The following CCNF variants were observed in gnomAD, a reference collection of about 807,000 sequenced individuals.
The protein encoded by CCNF is cyclin F.
In CCNF, 30 loss-of-function variants were observed where a neutral mutation model predicts 85.4. The ratio of observed to expected loss-of-function variants is 0.35; its 90% CI spans 0.26 to 0.48. The LOEUF is 0.48. Among genes scored for constraint, CCNF ranks in the 20% least tolerant of loss-of-function variants. The pLI is 0.99. For missense variants in CCNF, 919 were observed against 1,010.4 expected, an observed-to-expected ratio of 0.91 and a Z score of 1.23; for synonymous variants, 439 against 425.1, an observed-to-expected ratio of 1.03 and a Z score of -0.40.
At position 2,453,223 on chromosome 16, in the gene CCNF, G is replaced by A. The variant is rs1428900926; in HGVS notation, c.1501G>A (p.Ala501Thr). 4.3e-6 allele frequency: 7 copies of A among 1,613,620 alleles called. No homozygotes were observed. Among genetic ancestry groups the A allele is most frequent in the Non-Finnish European group, 5.1e-6 (6 of 1,179,988 alleles). Residue 501 changes from alanine to threonine, a missense_variant, in exon 14 of 17, where the codon GCC (alanine) becomes ACC (threonine). Ala to Thr is a moderately conservative substitution (Grantham distance 58, BLOSUM62 0). This residue lies in a region of CCNF where 505 missense variants were observed against 514.8 expected (regional missense o/e 0.98). Transcript: ENST00000397066. The surrounding 1 kb of genome is among the most constrained non-coding windows in gnomAD (Gnocchi z 5.6). ...CTCTGTTTCCAGCTTCCATGATGACGCCCCCAAGGACTACAGGCAAGTCTC... is the reference window on the plus strand; with the variant it reads ...CTCTGTTTCCAGCTTCCATGATGACACCCCCAAGGACTACAGGCAAGTCTC... ...SLHKKCFHDDAPKDYRQVSLT... is the reference protein window; with the variant it reads ...SLHKKCFHDDTPKDYRQVSLT...
intron 2 of CCNF, 52 bp from the exon 3 acceptor site, chr16:2,432,909 G>A: frequency 8.8e-7 from 1 of 1,141,182 alleles, no homozygotes; most frequent in Non-Finnish European, 1.3e-6. Flanking sequence ...CCAGGTGTGG[G>A]GCTTTTGGGT....
intron 5 of CCNF, chr16:2,437,766 G>T (rs1345470263): frequency 2.6e-5 from 10 of 386,580 alleles, no homozygotes; most frequent in Non-Finnish European, 3.8e-5. Flanking sequence ...AGGGGTGGTG[G>T]TGCATACCTA....
In CCNF at chr16:2,429,497, G is replaced by C; in HGVS notation, c.16G>C (p.Val6Leu). Residue 6 changes from valine (V) to leucine (L), a missense_variant and splice_region_variant, in exon 1 of 17, where the codon GTG becomes CTG. By Grantham distance (32) the Val-to-Leu change is conservative (BLOSUM62 1). Coordinates refer to ENST00000397066, the MANE Select transcript of CCNF (RefSeq NM_001761.3). ...GAGCGCGGCGATGGGGAGCGGCGGC[G>C]GTGAGTGCGGGGCGATGTCCGCTGG... is the stretch of plus-strand genomic sequence containing the variant. MGSGGVVHCRCAKCFC... is the reference protein window; with the variant it reads MGSGGLVHCRCAKCFC... 1 of 1,232,332 alleles carries C rather than the reference G, an allele frequency of 8.1e-7. No individual in the cohort carries two copies. The highest frequency in any genetic ancestry group is 1.0e-6 in the Non-Finnish European group (1 of 988,098). 76.3% of individuals were successfully genotyped at this position (1,232,332 alleles called of 1,614,324 possible).
At chr16:2,437,611 A>G (rs1206120359) in intron 5 of CCNF, 14 of 384,840 alleles carry the variant, frequency 3.6e-5, no homozygotes, top group Non-Finnish European at 6.1e-5. Flanking sequence ...AAATCTGGCC[A>G]GGTGTGGTGG....
At chr16:2,439,027 G>C (rs1026760721) in intron 6 of CCNF, among the ~76,000 whole-genome samples, 3 of 152,120 alleles carry the variant, frequency 2.0e-5, no homozygotes, top group Non-Finnish European at 4.4e-5. Flanking sequence ...GCCAGGCACA[G>C]TGGCTCATGC....
At chr16:2,439,499 C>A in intron 7 of CCNF, 42 bp downstream of exon 7, 1 of 1,408,584 alleles carries the variant, frequency 7.1e-7, no homozygotes, top group Non-Finnish European at 9.9e-7. Flanking sequence ...TTATGCTGGA[C>A]AAAGGCGTAG....
chr16:2,453,126 T>G lies in CCNF; in HGVS notation c.1488-84T>G. On this transcript the variant is annotated intron_variant, in intron 13 of 16. Coordinates refer to ENST00000397066, the MANE Select transcript of CCNF (RefSeq NM_001761.3). The surrounding 1 kb of genome is among the most constrained non-coding windows in gnomAD (Gnocchi z 5.6). ...TCCAGAGTGACTGCACCATTTTGCA[T>G]TCTCATTGCTCACTTCAGTGAACTG... The G allele has an allele frequency of 8.5e-7, 1 of 1,173,352 alleles. No individual in the cohort carries two copies. The highest frequency in any genetic ancestry group is 1.3e-6 in the Non-Finnish European group (1 of 783,962). 72.7% of individuals were successfully genotyped at this position (1,173,352 alleles called of 1,614,324 possible).
At position 2,429,461 on chromosome 16, in the gene CCNF, G is replaced by T. The variant is rs2065251484; in HGVS notation, c.-21G>T. 3.3e-6 allele frequency: 4 copies of T among 1,223,902 alleles called. No homozygotes were observed. Among genetic ancestry groups the T allele is most frequent in the Non-Finnish European group, 3.1e-6 (3 of 983,536 alleles). 75.8% of individuals were successfully genotyped at this position (1,223,902 alleles called of 1,614,324 possible). A position where few individuals can be genotyped will look rare whatever the true frequency, so the allele number is the denominator to read the frequency against. On this transcript the variant is annotated 5_prime_UTR_variant, in exon 1 of 17. Coordinates refer to ENST00000397066, the MANE Select transcript of CCNF (RefSeq NM_001761.3). ...GGCGCGCTCTCAGGCGGGCTCCGGC[G>T]GCAGCGACGCGAGCGCGGCGATGGG...
At chr16:2,429,838 G>C (rs755299106) in intron 1 of CCNF, among the ~76,000 whole-genome samples, 1 of 152,124 alleles carries the variant, frequency 6.6e-6, no homozygotes, top group Non-Finnish European at 1.5e-5. Flanking sequence ...AGCGCCTCCT[G>C]GTCGGGGAAA....
intron 8 of CCNF, among the ~76,000 whole-genome samples, chr16:2,442,843 TTA>T (rs1411898160): frequency 1.2e-5 from 1 of 84,344 alleles, no homozygotes. Flanking sequence ...TTATATTCTA[TTA>T]TATATAATAT....
intron 11 of CCNF, 146 bp downstream of exon 11, chr16:2,449,124 G>A: frequency 6.9e-7 from 1 of 1,439,068 alleles, no homozygotes; most frequent in Non-Finnish European, 9.7e-7. Context: ...TGGAGCAGGA[G>A]GCCACGGTTG....
chr16:2,448,289 A>G (rs1470049853), intron 10 of CCNF, among the ~76,000 whole-genome samples: 1 of 152,230 alleles, frequency 6.6e-6, no homozygotes, highest in African/African-American at 2.4e-5. Context: ...CTGAATGCTC[A>G]GGGCACTTGG....
rs1216033284 is a variant in CCNF at position 2,439,900 on chromosome 16, T to A, written c.777+74T>A. 3.8e-6 allele frequency: 5 copies of A among 1,299,014 alleles called. No homozygotes were observed. The East Asian group carries it at 1.2e-4, about 31-fold the overall frequency. 80.5% of individuals were successfully genotyped at this position (1,299,014 alleles called of 1,614,324 possible). On this transcript the variant is annotated intron_variant, in intron 8 of 16. Transcript: ENST00000397066. ...AGCCTTGGGGCAGGACTATCTGGGC[T>A]CCCACATTGGGGGGCAGGACTATCT...
At position 2,439,794 on chromosome 16, in the gene CCNF, G is replaced by C. The variant is rs1309624568; in HGVS notation, c.745G>C (p.Asp249His). Residue 249 changes from aspartate (D) to histidine (H), a missense_variant, in exon 8 of 17, where the codon GAC (aspartate) becomes CAC (histidine). Asp to His is a moderately conservative substitution (Grantham distance 81). This residue lies in a region of CCNF where 410 missense variants were observed against 478.6 expected (regional missense o/e 0.86). Coordinates refer to ENST00000397066, the MANE Select transcript of CCNF (RefSeq NM_001761.3). ...RCLHSFRKLR[D>H]YAAKGCWEAQ... is the part of the protein sequence containing the mutation. ...CCTCCACAGCTTCCGAAAACTCAGG[G>C]ACTACGCTGCCAAAGGCTGCTGGGA... 6.2e-7 allele frequency: 1 copy of C among 1,614,176 alleles called. No individual in the cohort carries two copies. The highest frequency in any genetic ancestry group is 1.7e-5 in the Admixed American group (1 of 60,014).
chr16:2,449,779 C>A, intron 12 of CCNF, 49 bp from the exon 13 acceptor site: 1 of 852,252 alleles, frequency 1.2e-6, no homozygotes, highest in South Asian at 1.3e-5. Flanking sequence ...CCCCTCCATC[C>A]CCTCCGTCCC....
chr16:2,437,235 C>T lies in CCNF; in HGVS notation c.453C>T (p.Leu151=), dbSNP rs775747522. ...LNVGAAPFIW[L]FIRPPWSVSG... is the part of the protein sequence containing the mutation. Reference sequence around the variant, plus strand: ...TGGGTGCCGCACCTTTCATCTGGCTCTTCATCCGCCCTCCGTGGTCGGTGA... The same window carrying T: ...TGGGTGCCGCACCTTTCATCTGGCTTTTCATCCGCCCTCCGTGGTCGGTGA... Residue 151 remains leucine, a synonymous_variant, in exon 5 of 17, where the codon CTC becomes CTT. Coordinates refer to ENST00000397066, the MANE Select transcript of CCNF (RefSeq NM_001761.3). 10 of 1,612,764 alleles carry T rather than the reference C, an allele frequency of 6.2e-6. No individual in the cohort carries two copies. In the Admixed American group the frequency reaches 1.3e-4, roughly 22 times the overall value.
chr16:2,445,702 CT>C, intron 10 of CCNF, 80 bp downstream of exon 10: 1 of 1,285,636 alleles, frequency 7.8e-7, no homozygotes, highest in Non-Finnish European at 1.1e-6. Context: ...TCATGTGCTC[CT>C]CACTGGTTTG....
chr16:2,449,530 GAGGA>G, intron 12 of CCNF, 68 bp downstream of exon 12: 1 of 1,460,858 alleles, frequency 6.8e-7, no homozygotes, highest in Non-Finnish European at 9.3e-7. Flanking sequence ...AGGCTGTGGG[GAGGA>G]AAAGAGTCCA....
chr16:2,432,766 G>C (rs2065269183), intron 2 of CCNF, among the ~76,000 whole-genome samples, 195 bp from the exon 3 acceptor site: 1 of 152,170 alleles, frequency 6.6e-6, no homozygotes, highest in Non-Finnish European at 1.5e-5. Context: ...TAGAACCTCA[G>C]AGAAACTCGT....
Sources: allele counts gnomAD v4.1 joint callset (sites outside exome capture counted in the v4.1 genomes callset), GRCh38; gene constraint gnomAD v4.1.1; regional missense constraint gnomAD v4.1.1; non-coding constraint Gnocchi (gnomAD v3.1); transcripts MANE v1.5; gene names NCBI Gene and HGNC (gene_info 2026-07-23, HGNC 2026-07-21).